The following TANC2 variants were observed in gnomAD, a reference collection of about 807,000 sequenced individuals.
The protein encoded by TANC2 is protein TANC2.
In TANC2, 26 loss-of-function variants were observed where a neutral mutation model predicts 210.5. The ratio of observed to expected loss-of-function variants is 0.12; its 90% confidence interval spans 0.09 to 0.17. The LOEUF (loss-of-function observed/expected upper bound fraction) is 0.17. TANC2 is among the 10% of genes least tolerant of loss of function. The probability of loss-of-function intolerance (pLI) is 1.00; values close to 1 mark genes in which losing one functional copy is unlikely to be tolerated. For missense variants in TANC2, 2,129 were observed against 2,608.9 expected, an observed-to-expected ratio of 0.82 and a Z score of 4.01; for synonymous variants, 931 against 967.1, an observed-to-expected ratio of 0.96 and a Z score of 0.69.
chr17:63,398,438 A>C (rs1277157098), intron 18 of TANC2, among the ~76,000 whole-genome samples: 3 of 151,860 alleles, frequency 2.0e-5, no homozygotes, highest in African/African-American at 7.3e-5. Context: ...TCTAGGTGAC[A>C]GAACGAGACC....
intron 9 of TANC2, among the ~76,000 whole-genome samples, chr17:63,283,881 T>A (rs377719272): frequency 3.3e-5 from 5 of 152,000 alleles, no homozygotes; most frequent in African/African-American, 4.8e-5. Context: ...TGACTTTTTT[T>A]AATAGATTCA....
intron 9 of TANC2, among the ~76,000 whole-genome samples, chr17:63,302,504 C>A (rs1207631276): frequency 6.6e-6 from 1 of 150,416 alleles, no homozygotes; most frequent in Non-Finnish European, 1.5e-5. Context: ...TATTGTTGAA[C>A]TGATCCCTTT....
At chr17:63,076,018 C>G (rs10512498) in intron 3 of TANC2, among the ~76,000 whole-genome samples, 5,108 of 152,114 alleles carry the variant, frequency 0.034, 98 homozygotes, top group Middle Eastern at 0.044. Flanking sequence ...AACTGAACTC[C>G]AACAGTAGCA....
chr17:63,113,432 G>A (rs992983657), intron 4 of TANC2, among the ~76,000 whole-genome samples: 118 of 152,132 alleles, frequency 7.8e-4, no homozygotes, highest in Non-Finnish European at 1.2e-3. Flanking sequence ...TTGTAAATGC[G>A]CATCCTTACC....
intron 13 of TANC2, among the ~76,000 whole-genome samples, chr17:63,354,157 T>C (rs2046710488): frequency 6.6e-6 from 1 of 152,088 alleles, no homozygotes; most frequent in African/African-American, 2.4e-5. Flanking sequence ...ATCCAGTGCA[T>C]AGGAGTAGCC....
intron 1 of TANC2, among the ~76,000 whole-genome samples, chr17:62,971,454 T>C (rs865960880): frequency 1.3e-5 from 2 of 152,194 alleles, no homozygotes; most frequent in Non-Finnish European, 2.9e-5. Context: ...CTCAGCCTGC[T>C]GAGTAGCTGA....
At chr17:63,316,960 GT>G (rs2045334448) in intron 10 of TANC2, among the ~76,000 whole-genome samples, 1 of 121,790 alleles carries the variant, frequency 8.2e-6, no homozygotes, top group South Asian at 2.6e-4. Flanking sequence ...ATTAATATAA[GT>G]TATTATATTA....
intron 15 of TANC2, among the ~76,000 whole-genome samples, chr17:63,382,492 A>G (rs1190833943): frequency 1.3e-5 from 2 of 152,232 alleles, no homozygotes; most frequent in Non-Finnish European, 2.9e-5. Context: ...AGAAGAAAAG[A>G]TGTTCCTATT....
At chr17:63,067,184 A>G (rs1477797693) in intron 2 of TANC2, among the ~76,000 whole-genome samples, 1 of 152,234 alleles carries the variant, frequency 6.6e-6, no homozygotes, top group Non-Finnish European at 1.5e-5. Flanking sequence ...AATTATATAC[A>G]AAGATTGACA....
rs2147347344 is a variant in TANC2 at position 63,412,240 on chromosome 17, C to T, written c.3898+110C>T. On this transcript the variant is annotated intron_variant, in intron 23 of 27. Transcript: ENST00000689528. The surrounding 1 kb of genome is among the most constrained non-coding windows in gnomAD (Gnocchi z 4.2). The stretch of plus-strand genomic sequence containing the variant: ...GAGTGTATATAGTTCCCCCTCCTCC[C>T]TGGCCCAATTATTGTCCAAGTGAAC... 1 of 1,454,052 alleles carries T rather than the reference C, an allele frequency of 6.9e-7. No homozygotes were observed. Among genetic ancestry groups the T allele is most frequent in the South Asian group, 1.3e-5 (1 of 76,314 alleles). 90.1% of individuals were successfully genotyped at this position (1,454,052 alleles called of 1,614,324 possible).
At chr17:63,252,681 T>G (rs2043084614) in intron 8 of TANC2, among the ~76,000 whole-genome samples, 1 of 152,238 alleles carries the variant, frequency 6.6e-6, no homozygotes, top group African/African-American at 2.4e-5. Context: ...CTTAACATAA[T>G]GACCTCTGGT....
intron 7 of TANC2, among the ~76,000 whole-genome samples, chr17:63,214,059 A>G (rs1162528795): frequency 6.6e-6 from 1 of 152,162 alleles, no homozygotes; most frequent in Non-Finnish European, 1.5e-5. Flanking sequence ...GAGAGACCAC[A>G]TGTCTCTGAA....
chr17:63,235,672 A>G (rs2042600841), intron 7 of TANC2, among the ~76,000 whole-genome samples: 1 of 151,976 alleles, frequency 6.6e-6, no homozygotes, highest in African/African-American at 2.4e-5. Context: ...ACTCCATTTA[A>G]ATTTGCAGAG....
At chr17:63,175,963 C>T (rs2040565834) in intron 5 of TANC2, among the ~76,000 whole-genome samples, 1 of 152,106 alleles carries the variant, frequency 6.6e-6, no homozygotes, top group Non-Finnish European at 1.5e-5. Flanking sequence ...TGTTCAACAC[C>T]ATTATCAGGA....
At chr17:63,123,934 C>T (rs2038600481) in intron 4 of TANC2, among the ~76,000 whole-genome samples, 1 of 152,006 alleles carries the variant, frequency 6.6e-6, no homozygotes, top group South Asian at 2.1e-4. Context: ...AATGTCTGAC[C>T]TTGTGATCCA....
chr17:63,102,643 G>A (rs2037672573), intron 4 of TANC2, among the ~76,000 whole-genome samples: 1 of 146,786 alleles, frequency 6.8e-6, no homozygotes, highest in African/African-American at 2.5e-5. Flanking sequence ...CCCACCTCTG[G>A]ACACAGGAAG....
At chr17:63,213,740 A>G (rs1352590066) in intron 7 of TANC2, among the ~76,000 whole-genome samples, 1 of 152,222 alleles carries the variant, frequency 6.6e-6, no homozygotes, top group African/African-American at 2.4e-5. Context: ...GAAAGACTGA[A>G]TATGTGAAAT....
chr17:62,998,290 T>A (rs1307756576), intron 1 of TANC2, among the ~76,000 whole-genome samples: 1 of 152,200 alleles, frequency 6.6e-6, no homozygotes, highest in Non-Finnish European at 1.5e-5. Flanking sequence ...AATTTATGAC[T>A]CACTGGCATC....
At chr17:63,123,683 CTTTTTTTTTT>C (rs957485298) in intron 4 of TANC2, among the ~76,000 whole-genome samples, 2 of 93,890 alleles carry the variant, frequency 2.1e-5, no homozygotes, top group East Asian at 3.0e-4. Context: ...TAGGTAAAAT[CTTTTTTTTTT>C]TTTTTTTTTT....
Sources: gnomAD v4.1 joint callset for allele counts (sites outside exome capture counted in the v4.1 genomes callset) on GRCh38, gnomAD v4.1.1 for gene constraint, Gnocchi (gnomAD v3.1) non-coding constraint, MANE v1.5 for transcripts, NCBI Gene and HGNC (gene_info 2026-07-23, HGNC 2026-07-21) for gene names.